The following NNAT variants were observed in gnomAD, a reference collection of about 807,000 sequenced individuals.
The protein encoded by NNAT is neuronatin.
A neutral mutation model predicts 12.7 loss-of-function variants in NNAT; 8 were observed. That is an observed-to-expected ratio of 0.63 (90% CI 0.37 to 1.14). NNAT has a LOEUF of 1.14. Ranked by LOEUF, NNAT falls within the 50% of genes most tolerant of loss-of-function variation. The pLI is 0.01. For synonymous variants in NNAT, 52 were observed against 48.5 expected (o/e 1.07, Z -0.30); for missense variants, 94 against 108.3 (o/e 0.87, Z 0.59).
At chr20:37,522,637 T>A in intron 2 of NNAT, 30 bp from the exon 3 acceptor site, 1 of 1,591,532 alleles carries the variant, frequency 6.3e-7, no homozygotes. Flanking sequence ...TGCTCTCCAC[T>A]AAGGGTGGGT....
chr20:37,521,848 T>C lies in NNAT; in HGVS notation c.72+445T>C, dbSNP rs1435951514. 7.1e-6 allele frequency among the ~76,000 whole-genome samples: 1 copy of C among 141,092 alleles called. No homozygotes were observed. Among genetic ancestry groups the C allele is most frequent in the Non-Finnish European group, 1.5e-5 (1 of 65,398 alleles). 92.6% of individuals were successfully genotyped at this position (141,092 alleles called of 152,430 possible). The stretch of plus-strand genomic sequence containing the variant: ...AAAAAACATATAGCGCTTGCGGGGG[T>C]GGAACAAAAAATAAGTTAGAAAAAG... On this transcript the variant is annotated intron_variant, in intron 1 of 2. Coordinates refer to ENST00000649451, the MANE Select transcript of NNAT (RefSeq NM_005386.4). The surrounding 1 kb of genome is among the most constrained non-coding windows in gnomAD (Gnocchi z 4.5).
At chr20:37,522,598 G>GGGCCCC in intron 2 of NNAT, 69 bp from the exon 3 acceptor site, 2 of 864,396 alleles carry the variant, frequency 2.3e-6, no homozygotes. Flanking sequence ...GCGGGGGTGG[G>GGGCCCC]CACGGCAGCA....
rs981222250 is a variant in NNAT, at chr20:37,522,735, G to C, written c.222G>C (p.Glu74Asp). Reference sequence around the variant, plus strand: ...GGACCGGGCGGCAGGTGTTGGGGGAGCGCAGGCAGCGAGCCCCCAACTGAG... The same window carrying C: ...GGACCGGGCGGCAGGTGTTGGGGGACCGCAGGCAGCGAGCCCCCAACTGAG... ...VSRTGRQVLG[E>D]RRQRAPN Residue 74 changes from glutamate to aspartate, a missense_variant, in exon 3 of 3, where the codon GAG becomes GAC. By Grantham distance (45) the Glu-to-Asp change is conservative. Transcript: ENST00000649451. 1.2e-6 allele frequency: 2 copies of C among 1,608,136 alleles called. No homozygotes were observed. Among genetic ancestry groups the C allele is most frequent in the Admixed American group, 1.7e-5 (1 of 59,616 alleles).
Position 37,521,430 on chromosome 20 carries a change from AGAGGGTTCCC to A in NNAT, c.72+28_72+37del. ...TAAGTCTGACGGGGTTTCGGGTGGG[AGAGGGTTCCC>A]AACTCGCGCCCCTAGAACCCGCAAG... On this transcript the variant is annotated intron_variant, in intron 1 of 2. Coordinates refer to ENST00000649451, the MANE Select transcript of NNAT (RefSeq NM_005386.4). The surrounding 1 kb of genome is among the most constrained non-coding windows in gnomAD (Gnocchi z 4.5). 1 of 1,611,332 alleles carries A rather than the reference AGAGGGTTCCC, an allele frequency of 6.2e-7. No individual in the cohort carries two copies. Among genetic ancestry groups the A allele is most frequent in the Non-Finnish European group, 8.5e-7 (1 of 1,177,480 alleles).
Position 37,521,655 on chromosome 20 carries a change from C to T in NNAT, c.72+252C>T, listed in dbSNP as rs1390728312. The T allele has an allele frequency of 2.0e-6, 1 of 508,602 alleles. No homozygotes were observed. The highest frequency in any genetic ancestry group is 3.5e-6 in the Non-Finnish European group (1 of 282,444). 31.5% of individuals were successfully genotyped at this position (508,602 alleles called of 1,614,324 possible). On this transcript the variant is annotated intron_variant, in intron 1 of 2. Transcript: ENST00000649451. This position sits in a 1 kb window ranked among gnomAD's most constrained non-coding sequence, Gnocchi z 4.5. ...CTCGGGGCGCGGCGGGCGACCGCTG[C>T]GGACGATCACCCAGGCATTTAGCGA...
intron 1 of NNAT, among the ~76,000 whole-genome samples, 166 bp from the exon 2 acceptor site, chr20:37,522,191 AT>A (rs375982710): frequency 5.4e-3 from 55 of 10,250 alleles, no homozygotes; most frequent in Middle Eastern, 0.071. Flanking sequence ...AAAAAAAAAA[AT>A]AATAATAAAA....
chr20:37,522,217 G>T, intron 1 of NNAT, 141 bp from the exon 2 acceptor site: 1 of 414,854 alleles, frequency 2.4e-6, no homozygotes. Context: ...TAAAAAAGAG[G>T]CAAAAGCGCT....
Position 37,522,908 on chromosome 20 carries a change from AC to A in NNAT, c.*154del, listed in dbSNP as rs1324395084. On this transcript the variant is annotated 3_prime_UTR_variant, in exon 3 of 3. Transcript: ENST00000649451. ...GGCAAGGTCAGTGAGGGGCCAGTAG[AC>A]CCCCGGAGAAGCAGTACCGACAATG... is the stretch of plus-strand genomic sequence containing the variant. 9.7e-6 allele frequency: 6 copies of A among 620,302 alleles called. No individual in the cohort carries two copies. The East Asian group carries it at 1.1e-4, about 12-fold the overall frequency. The allele number at this position is 620,302 out of a possible 1,614,324, so 38.4% of individuals were successfully genotyped here. A position where few individuals can be genotyped will look rare whatever the true frequency, so the allele number is the denominator to read the frequency against.
Position 37,522,197 on chromosome 20 carries a change from A to AT in NNAT, c.73-160dup, listed in dbSNP as rs1491182169. 9.4e-4 allele frequency among the ~76,000 whole-genome samples: 8 copies of AT among 8,496 alleles called. No homozygotes were observed. The Non-Finnish European group carries it at 9.8e-3, about 10-fold the overall frequency. The allele number at this position is 8,496 out of a possible 152,430, so 5.6% of individuals were successfully genotyped here. ...TTGCTTTACAAAAAAAAAAATAATA[A>AT]TAAAAAAAATAAAAAAGAGGCAAAA... On this transcript the variant is annotated intron_variant, in intron 1 of 2. Transcript: ENST00000649451.
At position 37,521,480 on chromosome 20, in the gene NNAT, G is replaced by A. The variant is rs2071570240; in HGVS notation, c.72+77G>A. 7.0e-7 allele frequency: 1 copy of A among 1,420,436 alleles called. No homozygotes were observed. The highest frequency in any genetic ancestry group is 1.4e-5 in the African/African-American group (1 of 71,132). The allele number at this position is 1,420,436 out of a possible 1,614,324, so 88.0% of individuals were successfully genotyped here. ...GAACCCGCAAGACTGCGTCGCGATTGCCGCTTCCCGGACCCGTCCTATTCC... is the reference window on the plus strand; with the variant it reads ...GAACCCGCAAGACTGCGTCGCGATTACCGCTTCCCGGACCCGTCCTATTCC... On this transcript the variant is annotated intron_variant, in intron 1 of 2. Transcript: ENST00000649451. The surrounding 1 kb of genome is among the most constrained non-coding windows in gnomAD (Gnocchi z 4.5).
chr20:37,522,267 C>A, intron 1 of NNAT, 91 bp from the exon 2 acceptor site: 1 of 931,842 alleles, frequency 1.1e-6, no homozygotes, highest in South Asian at 1.5e-5. Context: ...GCGCTTTGCC[C>A]ATAAAATCAT....
At position 37,521,965 on chromosome 20, in the gene NNAT, C is replaced by T. The variant is rs1225643399; in HGVS notation, c.73-393C>T. On this transcript the variant is annotated intron_variant, in intron 1 of 2. Transcript: ENST00000649451. This position sits in a 1 kb window ranked among gnomAD's most constrained non-coding sequence, Gnocchi z 4.5. ...AGTAGTTCACAGGAAAACAGAAAAACGCGCATTGCAGGAAAAATAAATCGG... is the reference window on the plus strand; with the variant it reads ...AGTAGTTCACAGGAAAACAGAAAAATGCGCATTGCAGGAAAAATAAATCGG... Among the ~76,000 whole-genome samples, 2 of 145,166 alleles carry T rather than the reference C, an allele frequency of 1.4e-5. No homozygotes were observed. Among genetic ancestry groups the T allele is most frequent in the African/African-American group, 2.5e-5 (1 of 39,442 alleles).
intron 1 of NNAT, among the ~76,000 whole-genome samples, chr20:37,522,155 C>T (rs186936870): frequency 5.7e-5 from 8 of 139,868 alleles, no homozygotes; most frequent in African/African-American, 1.9e-4. Flanking sequence ...AAAAAAAGCA[C>T]TTCCAAAAAA....
chr20:37,521,470 C>A lies in NNAT; in HGVS notation c.72+67C>A, dbSNP rs149524096. 1.2e-5 allele frequency: 18 copies of A among 1,483,220 alleles called. No individual in the cohort carries two copies. In the East Asian group the frequency reaches 1.6e-4, roughly 13 times the overall value. The allele number at this position is 1,483,220 out of a possible 1,614,324, so 91.9% of individuals were successfully genotyped here. Reference sequence around the variant, plus strand: ...CGCGCCCCTAGAACCCGCAAGACTGCGTCGCGATTGCCGCTTCCCGGACCC... The same window carrying A: ...CGCGCCCCTAGAACCCGCAAGACTGAGTCGCGATTGCCGCTTCCCGGACCC... On this transcript the variant is annotated intron_variant, in intron 1 of 2. Coordinates refer to ENST00000649451, the MANE Select transcript of NNAT (RefSeq NM_005386.4). This position sits in a 1 kb window ranked among gnomAD's most constrained non-coding sequence, Gnocchi z 4.5.
In NNAT at chr20:37,521,632, C is replaced by A; in HGVS notation, c.72+229C>A. ...CCGCGCCTGCCAGGGAACAAAGACT[C>A]GGGGCGCGGCGGGCGACCGCTGCGG... On this transcript the variant is annotated intron_variant, in intron 1 of 2. Transcript: ENST00000649451. This position sits in a 1 kb window ranked among gnomAD's most constrained non-coding sequence, Gnocchi z 4.5. The A allele has an allele frequency of 1.9e-6, 1 of 538,868 alleles. No individual in the cohort carries two copies. Among genetic ancestry groups the A allele is most frequent in the East Asian group, 3.2e-5 (1 of 31,082 alleles). The allele number at this position is 538,868 out of a possible 1,614,324, so 33.4% of individuals were successfully genotyped here.
intron 1 of NNAT, among the ~76,000 whole-genome samples, 169 bp from the exon 2 acceptor site, chr20:37,522,189 A>AAT (rs1555806947): frequency 3.7e-4 from 27 of 73,682 alleles, no homozygotes; most frequent in East Asian, 2.0e-3. Flanking sequence ...ACAAAAAAAA[A>AAT]AATAATAATA....
In NNAT at chr20:37,523,092, G is replaced by A. The variant is rs919087367; in HGVS notation, c.*333G>A. The A allele has an allele frequency of 7.5e-6, 2 of 267,284 alleles. No individual in the cohort carries two copies. Among genetic ancestry groups the A allele is most frequent in the Non-Finnish European group, 1.4e-5 (2 of 142,142 alleles). 16.6% of individuals were successfully genotyped at this position (267,284 alleles called of 1,614,324 possible). ...GTCGGGACAGCACCATCCCAGCCCCGAAGCCAGGGCCATGCCAGCAGGCCC... is the reference window on the plus strand; with the variant it reads ...GTCGGGACAGCACCATCCCAGCCCCAAAGCCAGGGCCATGCCAGCAGGCCC... On this transcript the variant is annotated 3_prime_UTR_variant, in exon 3 of 3. Coordinates refer to ENST00000649451, the MANE Select transcript of NNAT (RefSeq NM_005386.4).
At position 37,521,301 on chromosome 20, in the gene NNAT, T is replaced by G. The variant is rs1305406959; in HGVS notation, c.-31T>G. 1 of 1,612,016 alleles carries G rather than the reference T, an allele frequency of 6.2e-7. No homozygotes were observed. The highest frequency in any genetic ancestry group is 1.1e-5 in the South Asian group (1 of 91,036). The stretch of plus-strand genomic sequence containing the variant: ...CCAGCGGATCTCGGCAAACCCTCTT[T>G]CTCGACCACCCACCTACCATTCTTG... On this transcript the variant is annotated 5_prime_UTR_variant, in exon 1 of 3. Transcript: ENST00000649451. This position sits in a 1 kb window ranked among gnomAD's most constrained non-coding sequence, Gnocchi z 4.5.
rs2071560942 is a variant in NNAT at position 37,521,343 on chromosome 20, G to A, written c.12G>A (p.Val4=). The change falls in exon 1 of 3, where the codon GTG becomes GTA. Residue 4 remains valine, a synonymous_variant. Transcript: ENST00000649451. The surrounding 1 kb of genome is among the most constrained non-coding windows in gnomAD (Gnocchi z 4.5). MAA[V]AAASAELLII... is the part of the protein sequence containing the mutation. Reference sequence around the variant, plus strand: ...CCATTCTTGGAACCATGGCGGCAGTGGCGGCGGCCTCGGCTGAACTGCTCA... The same window carrying A: ...CCATTCTTGGAACCATGGCGGCAGTAGCGGCGGCCTCGGCTGAACTGCTCA... The A allele has an allele frequency of 1.9e-6, 3 of 1,613,950 alleles. No individual in the cohort carries two copies. Among genetic ancestry groups the A allele is most frequent in the Non-Finnish European group, 2.5e-6 (3 of 1,179,964 alleles).
Sources: allele counts gnomAD v4.1 joint callset (sites outside exome capture counted in the v4.1 genomes callset), GRCh38; gene constraint gnomAD v4.1.1; non-coding constraint Gnocchi (gnomAD v3.1); transcripts MANE v1.5; gene names NCBI Gene and HGNC (gene_info 2026-07-23, HGNC 2026-07-21).